Variants in LNPK observed in about 807,000 individuals in gnomAD.
The protein encoded by LNPK is lunapark, ER junction formation factor, also known as endoplasmic reticulum junction formation protein lunapark.
A neutral mutation model predicts 55.2 loss-of-function variants in LNPK; 29 were observed. The observed-to-expected ratio is 0.53, with a 90% confidence interval of 0.39 to 0.72. The LOEUF (loss-of-function observed/expected upper bound fraction) is 0.72. Among genes scored for constraint, LNPK ranks in the 30% least tolerant of loss-of-function variants. The pLI is 0.00. For missense variants in LNPK, 467 were observed against 494.8 expected (o/e 0.94, Z 0.53); for synonymous variants, 162 against 168.2 (o/e 0.96, Z 0.29).
At chr2:175,989,711 A>G (rs1687601911) in intron 4 of LNPK, among the ~76,000 whole-genome samples, 1 of 152,186 alleles carries the variant, frequency 6.6e-6, no homozygotes, top group Non-Finnish European at 1.5e-5. Flanking sequence ...TTTGGCATTT[A>G]TATTATGATT....
At chr2:175,988,443 C>A (rs1687531175) in intron 4 of LNPK, among the ~76,000 whole-genome samples, 1 of 138,450 alleles carries the variant, frequency 7.2e-6, no homozygotes, top group East Asian at 2.1e-4. Flanking sequence ...GCCTGGGAGG[C>A]AGAGGATGCA....
chr2:175,941,015 A>G (rs1413690761), intron 9 of LNPK: 1 of 453,740 alleles, frequency 2.2e-6, no homozygotes, highest in Non-Finnish European at 4.4e-6. Context: ...TGAGAGGTCG[A>G]GGTAGACAGA....
intron 12 of LNPK, among the ~76,000 whole-genome samples, chr2:175,933,934 T>C (rs995561000): frequency 1.3e-5 from 2 of 152,152 alleles, no homozygotes; most frequent in Admixed American, 6.5e-5. Flanking sequence ...GGTCTCACAA[T>C]ATCGGCCAGG....
chr2:175,959,914 A>T (rs954695129), intron 8 of LNPK, among the ~76,000 whole-genome samples: 1 of 152,112 alleles, frequency 6.6e-6, no homozygotes, highest in African/African-American at 2.4e-5. Context: ...TTACAATTCT[A>T]GTCTGTGAGA....
intron 1 of LNPK, among the ~76,000 whole-genome samples, chr2:175,997,705 CTGTGTGTGTGTGTGTGTGTG>C (rs35147185): frequency 4.9e-5 from 7 of 144,028 alleles, no homozygotes; most frequent in Admixed American, 1.4e-4. Flanking sequence ...AACAAATGCT[CTGTGTGTGTGTGTGTGTGTG>C]TGTGTGTGTG....
At chr2:175,940,867 TA>T (rs1425564389) in intron 9 of LNPK, 29 of 353,072 alleles carry the variant, frequency 8.2e-5, no homozygotes, top group East Asian at 9.9e-5. Flanking sequence ...ATGTCTAGTA[TA>T]AAAAAAATCC....
At chr2:175,947,448 A>T (rs749580123) in intron 9 of LNPK, 32 bp downstream of exon 9, 65 of 1,572,418 alleles carry the variant, frequency 4.1e-5, no homozygotes, top group Non-Finnish European at 5.4e-5. Flanking sequence ...AAAACAATAT[A>T]AACTGTAAAT....
chr2:175,992,667 C>T (rs57418585), intron 3 of LNPK, among the ~76,000 whole-genome samples: 1 of 151,920 alleles, frequency 6.6e-6, no homozygotes, highest in South Asian at 2.1e-4. Context: ...TTTAAACTAT[C>T]AAATTGGCAA....
At chr2:175,941,357 A>G (rs1033783744) in intron 9 of LNPK, among the ~76,000 whole-genome samples, 1 of 150,942 alleles carries the variant, frequency 6.6e-6, no homozygotes, top group African/African-American at 2.4e-5. Context: ...AAAAGACAAA[A>G]CTATTTAAAT....
chr2:175,967,693 T>C (rs1686437604), intron 6 of LNPK: 4 of 981,246 alleles, frequency 4.1e-6, no homozygotes, highest in South Asian at 9.4e-5. Context: ...GCTGTTGAAA[T>C]TGATGATGCT....
chr2:175,982,058 C>T (rs1687198225), intron 4 of LNPK, among the ~76,000 whole-genome samples: 1 of 152,032 alleles, frequency 6.6e-6, no homozygotes, highest in South Asian at 2.1e-4. Context: ...ACAAAAAACA[C>T]CAGGCTTTGT....
intron 4 of LNPK, among the ~76,000 whole-genome samples, chr2:175,988,512 C>CAAAAAAAAA (rs575414400): frequency 5.1e-5 from 3 of 58,726 alleles, no homozygotes; most frequent in African/African-American, 6.8e-5. Flanking sequence ...ACTCTGTCTC[C>CAAAAAAAAA]AAAAAAAAAA....
rs756169251 is a variant in LNPK, at chr2:175,964,594, G to A, written c.358-5C>T. The A allele has an allele frequency of 3.2e-6, 5 of 1,557,516 alleles. No individual in the cohort carries two copies. Among genetic ancestry groups the A allele is most frequent in the South Asian group, 1.1e-5 (1 of 89,752 alleles). ...TTTTTCCATGACTTCTTCAAGCTAC[G>A]AACAAAAATTTCCATAAATTGTCAC... On this transcript the variant is annotated splice_polypyrimidine_tract_variant and splice_region_variant and intron_variant, in intron 6 of 12. Coordinates refer to ENST00000272748, the MANE Select transcript of LNPK (RefSeq NM_030650.3).
At chr2:175,992,458 C>A in intron 3 of LNPK, 40 bp from the exon 4 acceptor site, 3 of 1,236,274 alleles carry the variant, frequency 2.4e-6, no homozygotes, top group Non-Finnish European at 2.2e-6. Context: ...AAATTTCAAA[C>A]TTCATAAAGA....
At chr2:175,974,018 T>G (rs1340489754) in intron 5 of LNPK, among the ~76,000 whole-genome samples, 6 of 152,234 alleles carry the variant, frequency 3.9e-5, no homozygotes, top group Non-Finnish European at 5.9e-5. Context: ...CCATTTTCCC[T>G]TTTAGTTTTA....
At chr2:175,969,750 A>G (rs1346810229) in intron 6 of LNPK, among the ~76,000 whole-genome samples, 4 of 152,172 alleles carry the variant, frequency 2.6e-5, no homozygotes, top group Admixed American at 6.5e-5. Flanking sequence ...TAATAATAAG[A>G]TATTTCTGTG....
Position 175,937,337 on chromosome 2 carries a change from T to C in LNPK, c.1054+7A>G. 2 of 1,612,030 alleles carry C rather than the reference T, an allele frequency of 1.2e-6. No individual in the cohort carries two copies. Among genetic ancestry groups the C allele is most frequent in the Non-Finnish European group, 1.7e-6 (2 of 1,178,910 alleles). ...TTAAGGGGCAAAACTGTTTAACATA[T>C]TCATACCTTCATTAAACTGGTTGTC... is the stretch of plus-strand genomic sequence containing the variant. On this transcript the variant is annotated splice_region_variant and intron_variant, in intron 12 of 12. Transcript: ENST00000272748.
At chr2:175,959,564 C>T (rs1685896883) in intron 8 of LNPK, among the ~76,000 whole-genome samples, 1 of 152,072 alleles carries the variant, frequency 6.6e-6, no homozygotes, top group African/African-American at 2.4e-5. Context: ...GAAGGAAGCA[C>T]TAAACATGGA....
chr2:175,986,935 T>C (rs1033352292), intron 4 of LNPK, among the ~76,000 whole-genome samples: 19 of 130,122 alleles, frequency 1.5e-4, no homozygotes, highest in African/African-American at 4.9e-4. Context: ...CTAACATAAT[T>C]AGCCAAGAGA....
Sources: gnomAD v4.1 joint callset for allele counts (sites outside exome capture counted in the v4.1 genomes callset) on GRCh38, gnomAD v4.1.1 for gene constraint, MANE v1.5 for transcripts, NCBI Gene and HGNC (gene_info 2026-07-23, HGNC 2026-07-21) for gene names.